The following TAOK1 variants were observed in gnomAD, a reference collection of about 807,000 sequenced individuals.
TAOK1 encodes TAO kinase 1.
TAOK1 carries 21 observed loss-of-function variants against 138.3 expected under a neutral mutation model. The ratio of observed to expected loss-of-function variants is 0.15; its 90% CI spans 0.11 to 0.22. The LOEUF (loss-of-function observed/expected upper bound fraction) is 0.22. Among genes scored for constraint, TAOK1 ranks in the 10% least tolerant of loss-of-function variants. The pLI is 1.00. For synonymous variants in TAOK1, 361 were observed against 398.4 expected (o/e 0.91, Z 1.12); for missense variants, 651 against 1,227.7 (o/e 0.53, Z 7.02).
At chr17:29,419,229 G>A (rs1215621808) in intron 1 of TAOK1, among the ~76,000 whole-genome samples, 2 of 151,056 alleles carry the variant, frequency 1.3e-5, no homozygotes, top group South Asian at 2.1e-4. Context: ...GGAGTTTCAC[G>A]CTTATTGACC....
chr17:29,444,701 T>G (rs1316422412), intron 1 of TAOK1, among the ~76,000 whole-genome samples: 1 of 152,222 alleles, frequency 6.6e-6, no homozygotes, highest in Non-Finnish European at 1.5e-5. Flanking sequence ...GAAAATCCTC[T>G]TGGACTTTTG....
chr17:29,504,702 TATG>T (rs1176800363), intron 13 of TAOK1, among the ~76,000 whole-genome samples: 3 of 151,560 alleles, frequency 2.0e-5, no homozygotes, highest in Admixed American at 6.6e-5. Flanking sequence ...GAAAAGAAAA[TATG>T]ATGGGGAAAA....
chr17:29,468,200 G>A (rs1283886163), intron 3 of TAOK1, among the ~76,000 whole-genome samples: 7 of 141,352 alleles, frequency 5.0e-5, no homozygotes, highest in East Asian at 2.2e-4. Context: ...GCAGTGGTGC[G>A]ATCTCAGCTC....
chr17:29,438,664 A>G (rs1440689894), intron 1 of TAOK1, among the ~76,000 whole-genome samples: 1 of 152,216 alleles, frequency 6.6e-6, no homozygotes, highest in African/African-American at 2.4e-5. Context: ...AGCCTGCATA[A>G]CAGAGTGAGG....
chr17:29,544,728 G>A lies in TAOK1; in HGVS notation c.*1706G>A, dbSNP rs2032374717. 1 of 152,190 alleles carries A rather than the reference G, an allele frequency of 6.6e-6. No individual in the cohort carries two copies. The highest frequency in any genetic ancestry group is 1.5e-5 in the Non-Finnish European group (1 of 68,038). The allele number at this position is 152,190 out of a possible 1,614,324, so 9.4% of individuals were successfully genotyped here. A position where few individuals can be genotyped will look rare whatever the true frequency, so the allele number is the denominator to read the frequency against. ...ATATCCTTTTCAGTGACAAATCAGA[G>A]TTTCTTACAAGTTATTGTCCTGCTC... On this transcript the variant is annotated 3_prime_UTR_variant, in exon 20 of 20. Coordinates refer to ENST00000261716, the MANE Select transcript of TAOK1 (RefSeq NM_020791.4).
chr17:29,442,047 CT>C (rs563904145), intron 1 of TAOK1, among the ~76,000 whole-genome samples: 5 of 150,298 alleles, frequency 3.3e-5, no homozygotes, highest in African/African-American at 4.9e-5. Flanking sequence ...ATTTTTCTGT[CT>C]TTTTTTTTGT....
rs1028910413 is a variant in TAOK1 at position 29,485,667 on chromosome 17, A to G, written c.655+3379A>G. 2.6e-5 allele frequency among the ~76,000 whole-genome samples: 4 copies of G among 152,290 alleles called. No individual in the cohort carries two copies. In the East Asian group the frequency reaches 7.7e-4, roughly 29 times the overall value. ...AAACAAATTAATTAAATTAAAATAA[A>G]ACAGGAAACAAAAGTACACATAGTC... On this transcript the variant is annotated intron_variant, in intron 8 of 19. Coordinates refer to ENST00000261716, the MANE Select transcript of TAOK1 (RefSeq NM_020791.4).
chr17:29,529,203 G>C (rs2032063138), intron 17 of TAOK1, among the ~76,000 whole-genome samples: 1 of 152,012 alleles, frequency 6.6e-6, no homozygotes, highest in Non-Finnish European at 1.5e-5. Flanking sequence ...TGGAACTCCT[G>C]GCCTATAAAC....
At chr17:29,457,462 A>G (rs751683826) in intron 2 of TAOK1, among the ~76,000 whole-genome samples, 6 of 125,758 alleles carry the variant, frequency 4.8e-5, no homozygotes, top group Admixed American at 2.7e-4. Flanking sequence ...CTGGAGTGCA[A>G]TGGCGTGATC....
At chr17:29,421,121 G>T (rs967370224) in intron 1 of TAOK1, among the ~76,000 whole-genome samples, 3 of 151,352 alleles carry the variant, frequency 2.0e-5, no homozygotes, top group Admixed American at 2.0e-4. Context: ...GTAGAGACAG[G>T]TTTTCCCCAT....
chr17:29,430,289 C>A (rs1005912561), intron 1 of TAOK1, among the ~76,000 whole-genome samples: 2 of 152,192 alleles, frequency 1.3e-5, no homozygotes, highest in South Asian at 4.1e-4. Flanking sequence ...TCAAATACCC[C>A]CTAGAAGTTT....
intron 4 of TAOK1, among the ~76,000 whole-genome samples, chr17:29,476,248 T>A (rs2030938205): frequency 6.6e-6 from 1 of 152,216 alleles, no homozygotes; most frequent in Non-Finnish European, 1.5e-5. Flanking sequence ...AGAAATTTAT[T>A]TTGCCCTTTT....
At chr17:29,467,280 C>CTTTT in intron 3 of TAOK1, 64 bp downstream of exon 3, 1 of 889,150 alleles carries the variant, frequency 1.1e-6, no homozygotes, top group Non-Finnish European at 1.6e-6. Flanking sequence ...TATATACATT[C>CTTTT]TTTTTTTTTT....
chr17:29,397,774 T>C (rs532477425), intron 1 of TAOK1, among the ~76,000 whole-genome samples: 2 of 144,832 alleles, frequency 1.4e-5, no homozygotes, highest in African/African-American at 5.2e-5. Context: ...TGTATACATG[T>C]ATATTCGTGT....
chr17:29,451,769 G>A (rs2030242960), intron 2 of TAOK1, 89 bp downstream of exon 2: 1 of 1,443,554 alleles, frequency 6.9e-7, no homozygotes, highest in Admixed American at 2.2e-5. Context: ...AAGAGATATA[G>A]GCCATAGTCA....
intron 16 of TAOK1, among the ~76,000 whole-genome samples, chr17:29,521,709 C>T (rs556207599): frequency 6.6e-6 from 1 of 152,052 alleles, no homozygotes; most frequent in Non-Finnish European, 1.5e-5. Flanking sequence ...CAGCCTCCCG[C>T]GTAGCTGGGA....
intron 3 of TAOK1, among the ~76,000 whole-genome samples, chr17:29,475,097 C>T (rs529281763): frequency 4.6e-4 from 70 of 152,084 alleles, no homozygotes; most frequent in African/African-American, 1.5e-3. Flanking sequence ...CACACCACCA[C>T]GCCCAGCTAA....
intron 9 of TAOK1, among the ~76,000 whole-genome samples, chr17:29,490,187 C>G (rs1444653293): frequency 6.6e-6 from 1 of 151,922 alleles, no homozygotes; most frequent in Non-Finnish European, 1.5e-5. Flanking sequence ...AATGATTTGA[C>G]TTTATCAAAA....
At chr17:29,478,368 A>G (rs1283685881) in intron 6 of TAOK1, 21 bp downstream of exon 6, 3 of 1,513,496 alleles carry the variant, frequency 2.0e-6, no homozygotes, top group African/African-American at 2.8e-5. Context: ...TGGAAATTAT[A>G]TATTGATAAG....
Sources: gnomAD v4.1 joint callset for allele counts (sites outside exome capture counted in the v4.1 genomes callset) on GRCh38, gnomAD v4.1.1 for gene constraint, MANE v1.5 for transcripts, NCBI Gene and HGNC (gene_info 2026-07-23, HGNC 2026-07-21) for gene names.